Variants in BRD10 observed in about 807,000 individuals in gnomAD.
The protein encoded by BRD10 is bromodomain containing 10, also known as uncharacterized bromodomain-containing protein 10.
the BRD10 span, among the ~76,000 whole-genome samples, chr9:5,894,247 T>G: frequency 6.6e-6 from 1 of 152,080 alleles, no homozygotes; most frequent in South Asian, 2.1e-4. This position sits in a 1 kb window ranked among gnomAD's most constrained non-coding sequence, Gnocchi z 4.0. Flanking sequence ...CATAGCCAGG[T>G]GTACCCACAA....
the BRD10 span, among the ~76,000 whole-genome samples, chr9:5,891,561 A>G: frequency 0.024 from 3,584 of 152,264 alleles, 65 homozygotes; most frequent in Non-Finnish European, 0.038. Flanking sequence ...TGGGGATCAC[A>G]CCTTTGAAAT....
At chr9:5,922,959 T>G in the BRD10 span, 1 of 1,613,908 alleles carries the variant, frequency 6.2e-7, no homozygotes, top group Non-Finnish European at 8.5e-7. Context: ...TTCCCAATAT[T>G]CTTTGCAAGC....
chr9:5,919,640 A>C, the BRD10 span: 1 of 1,530,948 alleles, frequency 6.5e-7, no homozygotes, highest in Non-Finnish European at 8.8e-7. Context: ...ATGGGAGTCA[A>C]AACAATGCCC....
the BRD10 span, among the ~76,000 whole-genome samples, chr9:5,897,024 T>C: frequency 6.6e-6 from 1 of 152,238 alleles, no homozygotes; most frequent in Non-Finnish European, 1.5e-5. Context: ...CAGCGAGTCA[T>C]GTATCCTCTG....
the BRD10 span, among the ~76,000 whole-genome samples, chr9:5,923,813 G>A: frequency 1.3e-5 from 2 of 151,922 alleles, no homozygotes; most frequent in African/African-American, 2.4e-5. Context: ...GTTCATATTC[G>A]GTCAAACTAG....
the BRD10 span, among the ~76,000 whole-genome samples, chr9:5,906,157 C>G: frequency 2.7e-5 from 4 of 150,326 alleles, no homozygotes; most frequent in South Asian, 8.5e-4. Context: ...TTAAGACCAG[C>G]CTAGGCAACT....
At chr9:5,923,086 C>G in the BRD10 span, 3 of 1,613,982 alleles carry the variant, frequency 1.9e-6, no homozygotes, top group Non-Finnish European at 2.5e-6. Context: ...AACAGTCAAT[C>G]TGCACATCAC....
the BRD10 span, among the ~76,000 whole-genome samples, chr9:5,899,901 C>T: frequency 6.6e-6 from 1 of 152,182 alleles, no homozygotes; most frequent in East Asian, 1.9e-4. Context: ...AATTCAACTT[C>T]TCCAAGATTC....
chr9:5,904,756 C>T, the BRD10 span, among the ~76,000 whole-genome samples: 17 of 150,452 alleles, frequency 1.1e-4, no homozygotes, highest in Admixed American at 6.0e-4. Context: ...TGAGCCACCG[C>T]GCCCAGTCCA....
At chr9:5,892,065 C>T in the BRD10 span, among the ~76,000 whole-genome samples, 1 of 152,178 alleles carries the variant, frequency 6.6e-6, no homozygotes, top group Admixed American at 6.5e-5. Context: ...TTAGCCACAG[C>T]CCTGGGCCAG....
At chr9:6,002,121 C>A in the BRD10 span, among the ~76,000 whole-genome samples, 1 of 152,196 alleles carries the variant, frequency 6.6e-6, no homozygotes, top group African/African-American at 2.4e-5. Flanking sequence ...ATGGTTTAAA[C>A]ATACTTTACC....
chr9:5,922,331 A>G, the BRD10 span: 2 of 1,613,996 alleles, frequency 1.2e-6, no homozygotes, highest in Non-Finnish European at 1.7e-6. Context: ...AGCACTGGGC[A>G]AGGAGAATGT....
At chr9:5,924,817 A>G in the BRD10 span, 1 of 1,530,010 alleles carries the variant, frequency 6.5e-7, no homozygotes. Context: ...TGTCTTCTGA[A>G]ATCATCATAG....
At chr9:5,997,735 T>A in the BRD10 span, among the ~76,000 whole-genome samples, 219 of 152,300 alleles carry the variant, frequency 1.4e-3, 1 homozygote, top group African/African-American at 5.0e-3. Flanking sequence ...CCAAAACAAA[T>A]TTCAGGCAGA....
the BRD10 span, chr9:5,923,170 G>A: frequency 1.2e-6 from 2 of 1,613,952 alleles, no homozygotes; most frequent in African/African-American, 1.3e-5. Flanking sequence ...CTTTTGTGCT[G>A]TCATCCACAT....
At chr9:5,988,340 T>G in the BRD10 span, 6 of 1,606,306 alleles carry the variant, frequency 3.7e-6, no homozygotes, top group Admixed American at 5.0e-5. Flanking sequence ...TTTCTTAACA[T>G]TTACCTTTTT....
At chr9:5,923,595 T>G in the BRD10 span, among the ~76,000 whole-genome samples, 9 of 152,310 alleles carry the variant, frequency 5.9e-5, no homozygotes, top group African/African-American at 1.9e-4. Context: ...CCAGTGTAAG[T>G]GCAAAAAACT....
chr9:5,879,047 T>C, the BRD10 span, among the ~76,000 whole-genome samples: 1 of 152,230 alleles, frequency 6.6e-6, no homozygotes, highest in Non-Finnish European at 1.5e-5. Flanking sequence ...TTGCCATCTA[T>C]TGACTTCCAG....
chr9:5,919,622 A>G, the BRD10 span: 1 of 1,456,528 alleles, frequency 6.9e-7, no homozygotes, highest in Non-Finnish European at 9.2e-7. Context: ...TAAACATTGA[A>G]AATTTTTATG....
Sources: allele counts gnomAD v4.1 joint callset (sites outside exome capture counted in the v4.1 genomes callset), GRCh38; gene constraint gnomAD v4.1.1; non-coding constraint Gnocchi (gnomAD v3.1); transcripts MANE v1.5; gene names NCBI Gene and HGNC (gene_info 2026-07-23, HGNC 2026-07-21).